Variants in PARD3B observed in about 807,000 individuals in gnomAD.
PARD3B encodes partitioning defective 3 homolog B.
In PARD3B, 103 loss-of-function variants were observed where a neutral mutation model predicts 130.2. The observed-to-expected ratio is 0.79, with a 90% CI of 0.67 to 0.93. PARD3B has a LOEUF of 0.93. PARD3B is among the 40% of genes least tolerant of loss of function. The probability of loss-of-function intolerance (pLI) is 0.00; values close to 1 mark genes in which losing one functional copy is unlikely to be tolerated. For synonymous variants in PARD3B, 583 were observed against 553.2 expected (o/e 1.05, Z -0.76); for missense variants, 1,609 against 1,499.2 (o/e 1.07, Z -1.21).
rs544398323 is a variant in PARD3B at position 205,342,046 on chromosome 2, G to A, written c.2630+40345G>A. On this transcript the variant is annotated intron_variant, in intron 18 of 22. Transcript: ENST00000406610. Reference sequence around the variant, plus strand: ...TTACTCATTGTTCCATCTGGGCATGGAACTGTGTCTGTTTTATCCACTGTC... The same window carrying A: ...TTACTCATTGTTCCATCTGGGCATGAAACTGTGTCTGTTTTATCCACTGTC... Among the ~76,000 whole-genome samples the A allele has an allele frequency of 9.1e-4, 139 of 152,198 alleles. 1 individual carries two copies. Among genetic ancestry groups the A allele is most frequent in the African/African-American group, 3.2e-3 (134 of 41,546 alleles).
rs1239691353 is a variant in PARD3B, at chr2:205,589,068, C to A, written c.3261-26388C>A. 2.0e-5 allele frequency among the ~76,000 whole-genome samples: 3 copies of A among 152,196 alleles called. No homozygotes were observed. The highest frequency in any genetic ancestry group is 4.4e-5 in the Non-Finnish European group (3 of 68,038). The stretch of plus-strand genomic sequence containing the variant: ...ACCAGGAGGCTGAGGCAGGTGGATC[C>A]TTTGAATCCAGGAGTTTCAGACCAG... On this transcript the variant is annotated intron_variant, in intron 22 of 22. Coordinates refer to ENST00000406610, the MANE Select transcript of PARD3B (RefSeq NM_001302769.2). This position sits in a 1 kb window ranked among gnomAD's most constrained non-coding sequence, Gnocchi z 4.1.
intron 21 of PARD3B, among the ~76,000 whole-genome samples, chr2:205,516,377 C>G (rs2050793260): frequency 6.6e-6 from 1 of 152,152 alleles, no homozygotes; most frequent in South Asian, 2.1e-4. Flanking sequence ...GATACTGATT[C>G]TTCCTATTCA....
In PARD3B at chr2:205,291,421, A is replaced by G. The variant is rs1308602533; in HGVS notation, c.2186-9109A>G. Among the ~76,000 whole-genome samples, 2 of 152,230 alleles carry G rather than the reference A, an allele frequency of 1.3e-5. No homozygotes were observed. The highest frequency in any genetic ancestry group is 3.8e-4 in the East Asian group (2 of 5,204). On this transcript the variant is annotated intron_variant, in intron 16 of 22. Coordinates refer to ENST00000406610, the MANE Select transcript of PARD3B (RefSeq NM_001302769.2). The surrounding 1 kb of genome is among the most constrained non-coding windows in gnomAD (Gnocchi z 4.6). ...TCTTATGAGGTCTCAGATGGAAATG[A>G]GGAACATGTTATTCACGGAAACTGG...
chr2:205,357,412 A>G (rs12470079), intron 18 of PARD3B, among the ~76,000 whole-genome samples: 91,803 of 152,048 alleles, frequency 0.6, 30,924 homozygotes, highest in South Asian at 0.77. Flanking sequence ...CTGGCTTAGA[A>G]ACATTAAGAA....
chr2:204,879,139 C>T (rs892104271), intron 2 of PARD3B, among the ~76,000 whole-genome samples: 4 of 152,130 alleles, frequency 2.6e-5, no homozygotes, highest in Non-Finnish European at 5.9e-5. Context: ...TGGCAGCATT[C>T]TGTAATGACC....
intron 22 of PARD3B, among the ~76,000 whole-genome samples, chr2:205,571,654 A>G (rs555461260): frequency 1.3e-5 from 2 of 152,362 alleles, no homozygotes; most frequent in East Asian, 1.9e-4. Flanking sequence ...TATCAACCTT[A>G]CTAATAAAAG....
At chr2:204,649,424 A>G (rs1451066805) in intron 1 of PARD3B, among the ~76,000 whole-genome samples, 1 of 152,024 alleles carries the variant, frequency 6.6e-6, no homozygotes, top group East Asian at 1.9e-4. Flanking sequence ...CCTGTTTTGT[A>G]TGCATGAGTT....
intron 21 of PARD3B, among the ~76,000 whole-genome samples, chr2:205,506,345 A>T (rs1330620230): frequency 6.6e-6 from 1 of 152,124 alleles, no homozygotes; most frequent in Admixed American, 6.5e-5. Context: ...AAAAACAAAA[A>T]CAAAAACAAA....
At chr2:205,085,645 C>G (rs1345724736) in intron 4 of PARD3B, among the ~76,000 whole-genome samples, 2 of 151,820 alleles carry the variant, frequency 1.3e-5, no homozygotes, top group Non-Finnish European at 2.9e-5. Flanking sequence ...TAAACAATAA[C>G]CATTGGGGTT....
chr2:205,469,416 G>T (rs866130477), intron 20 of PARD3B, among the ~76,000 whole-genome samples: 7 of 152,084 alleles, frequency 4.6e-5, no homozygotes, highest in Non-Finnish European at 8.8e-5. Flanking sequence ...CTGGTCTTTG[G>T]TTCTCACCAC....
In PARD3B at chr2:204,606,053, G is replaced by C. The variant is rs1217084137; in HGVS notation, c.120+59934G>C. ...CATTGGGACATGATATTACCAAGAA[G>C]TGCTTTAGAGGGTTTTCAGTAGATG... On this transcript the variant is annotated intron_variant, in intron 1 of 22. Transcript: ENST00000406610. This position sits in a 1 kb window ranked among gnomAD's most constrained non-coding sequence, Gnocchi z 4.0. Among the ~76,000 whole-genome samples, 2 of 152,112 alleles carry C rather than the reference G, an allele frequency of 1.3e-5. No individual in the cohort carries two copies.
chr2:204,770,908 C>T (rs936402348), intron 2 of PARD3B, among the ~76,000 whole-genome samples: 1 of 152,076 alleles, frequency 6.6e-6, no homozygotes, highest in African/African-American at 2.4e-5. Flanking sequence ...TTTTGGCAAA[C>T]AGCAGCCTGA....
intron 1 of PARD3B, among the ~76,000 whole-genome samples, chr2:204,558,495 G>A (rs2031084971): frequency 6.6e-6 from 1 of 152,118 alleles, no homozygotes; most frequent in Non-Finnish European, 1.5e-5. Context: ...GGGATGTGAA[G>A]GACCTCTTCA....
chr2:204,913,036 T>C (rs2047302302), intron 2 of PARD3B, among the ~76,000 whole-genome samples: 1 of 152,220 alleles, frequency 6.6e-6, no homozygotes, highest in Non-Finnish European at 1.5e-5. Context: ...GTTTATAAAA[T>C]GAATTTTCAA....
intron 3 of PARD3B, among the ~76,000 whole-genome samples, chr2:205,023,806 C>A (rs1395148036): frequency 6.6e-6 from 1 of 152,096 alleles, no homozygotes; most frequent in African/African-American, 2.4e-5. Flanking sequence ...TAAGACTACA[C>A]TGCCTTTCCT....
chr2:205,102,069 TC>T (rs1335419777), intron 4 of PARD3B, among the ~76,000 whole-genome samples: 2 of 152,120 alleles, frequency 1.3e-5, no homozygotes, highest in Non-Finnish European at 2.9e-5. Context: ...CTTAAGGCAA[TC>T]CTTTAGATGA....
At chr2:204,798,980 T>A (rs2042470496) in intron 2 of PARD3B, among the ~76,000 whole-genome samples, 1 of 151,796 alleles carries the variant, frequency 6.6e-6, no homozygotes, top group African/African-American at 2.4e-5. Context: ...AGGGAAAGAC[T>A]CCTTATGCTT....
intron 13 of PARD3B, among the ~76,000 whole-genome samples, chr2:205,181,924 C>T (rs1018360354): frequency 2.6e-5 from 4 of 152,140 alleles, no homozygotes; most frequent in African/African-American, 9.6e-5. Flanking sequence ...TACACTGAAA[C>T]AAGGGCTTAA....
chr2:205,170,760 G>A (rs372138100), intron 11 of PARD3B, among the ~76,000 whole-genome samples: 7 of 150,676 alleles, frequency 4.6e-5, no homozygotes, highest in African/African-American at 1.5e-4. Flanking sequence ...TGTTCATTGT[G>A]TGTGTCTGGC....
Sources: allele counts gnomAD v4.1 joint callset (sites outside exome capture counted in the v4.1 genomes callset), GRCh38; gene constraint gnomAD v4.1.1; non-coding constraint Gnocchi (gnomAD v3.1); transcripts MANE v1.5; gene names NCBI Gene and HGNC (gene_info 2026-07-23, HGNC 2026-07-21).